The following NWD1 variants were observed in gnomAD, a reference collection of about 807,000 sequenced individuals.
NWD1 encodes the protein NACHT domain- and WD repeat-containing protein 1.
In NWD1, 129 loss-of-function variants were observed where a neutral mutation model predicts 135.1. That is an observed-to-expected ratio of 0.96 (90% confidence interval 0.83 to 1.11). The LOEUF (loss-of-function observed/expected upper bound fraction) is 1.11. Among genes scored for constraint, NWD1 ranks in the 50% least tolerant of loss-of-function variants. NWD1 has a pLI of 0.00. For synonymous variants in NWD1, 773 were observed against 786.0 expected, an observed-to-expected ratio of 0.98 and a Z score of 0.28; for missense variants, 1,740 against 1,851.3, an observed-to-expected ratio of 0.94 and a Z score of 1.10.
intron 12 of NWD1, among the ~76,000 whole-genome samples, chr19:16,781,936 C>CA (rs1021269265): frequency 1.9e-4 from 28 of 150,306 alleles, no homozygotes; most frequent in East Asian, 2.0e-4. Context: ...ACTAAAAATA[C>CA]AAAAAAAATT....
chr19:16,763,779 G>C (rs751986842), intron 8 of NWD1, 49 bp from the exon 9 acceptor site: 1 of 1,163,820 alleles, frequency 8.6e-7, no homozygotes, highest in African/African-American at 1.5e-5. Context: ...TGCGTGGAGT[G>C]AATGAATGGG....
At chr19:16,787,941 A>C (rs1424610868) in intron 12 of NWD1, among the ~76,000 whole-genome samples, 1 of 127,832 alleles carries the variant, frequency 7.8e-6, no homozygotes, top group Non-Finnish European at 1.6e-5. Context: ...CATCATCATC[A>C]TCATAGGCCA....
At chr19:16,790,643 AAAT>A (rs1970212590) in intron 13 of NWD1, among the ~76,000 whole-genome samples, 2 of 19,124 alleles carry the variant, frequency 1.0e-4, no homozygotes, top group East Asian at 3.9e-4. Context: ...AAAAAAAAAT[AAAT>A]AAATAAATAA....
chr19:16,810,737 T>G (rs1222344010), intron 18 of NWD1, among the ~76,000 whole-genome samples: 1 of 152,148 alleles, frequency 6.6e-6, no homozygotes, highest in East Asian at 1.9e-4. Flanking sequence ...CACTCCACCC[T>G]GGATGACGAT....
At chr19:16,724,943 C>G (rs182604558) in intron 2 of NWD1, among the ~76,000 whole-genome samples, 1 of 152,068 alleles carries the variant, frequency 6.6e-6, no homozygotes, top group African/African-American at 2.4e-5. Context: ...GTCCACCCAC[C>G]TCGACCTCCC....
intron 10 of NWD1, among the ~76,000 whole-genome samples, chr19:16,766,453 C>A (rs1969226784): frequency 6.6e-6 from 1 of 152,184 alleles, no homozygotes; most frequent in African/African-American, 2.4e-5. Flanking sequence ...ATGACTTGGG[C>A]TGGGTCTGGC....
At chr19:16,747,715 C>T (rs1017560733) in intron 5 of NWD1, among the ~76,000 whole-genome samples, 1 of 152,050 alleles carries the variant, frequency 6.6e-6, no homozygotes. Context: ...ACCCATTAAA[C>T]ACTCCCCATC....
At chr19:16,789,281 T>C in intron 13 of NWD1, 91 bp downstream of exon 13, 3 of 969,234 alleles carry the variant, frequency 3.1e-6, no homozygotes, top group Non-Finnish European at 1.6e-6. Flanking sequence ...GGCTCCCTGA[T>C]ACAGTGATGG....
chr19:16,813,669 G>T (rs1445569240), intron 18 of NWD1, among the ~76,000 whole-genome samples: 1 of 151,874 alleles, frequency 6.6e-6, no homozygotes, highest in Non-Finnish European at 1.5e-5. Flanking sequence ...TAGAGGTAGG[G>T]TTTCACCATG....
intron 6 of NWD1, among the ~76,000 whole-genome samples, chr19:16,756,694 C>T (rs1197116637): frequency 6.6e-6 from 1 of 152,144 alleles, no homozygotes; most frequent in Non-Finnish European, 1.5e-5. Flanking sequence ...GACTGCTACA[C>T]ATCCTACAAT....
At chr19:16,773,442 C>T in intron 11 of NWD1, 119 bp downstream of exon 11, 1 of 805,162 alleles carries the variant, frequency 1.2e-6, no homozygotes, top group Non-Finnish European at 2.0e-6. Flanking sequence ...AGGCCCCAAG[C>T]TTGCCATCAG....
intron 6 of NWD1, among the ~76,000 whole-genome samples, chr19:16,752,941 TGA>T (rs1968637846): frequency 6.6e-6 from 1 of 152,080 alleles, no homozygotes; most frequent in Non-Finnish European, 1.5e-5. Flanking sequence ...ATGGCTGCAG[TGA>T]GCTGTGATCA....
rs571612406 is a variant in NWD1, at chr19:16,761,965, T to C, written c.1974-14T>C. On this transcript the variant is annotated splice_polypyrimidine_tract_variant and intron_variant, in intron 7 of 18. Coordinates refer to ENST00000524140, the MANE Select transcript of NWD1 (RefSeq NM_001007525.5). The stretch of plus-strand genomic sequence containing the variant: ...GGTCACCCAGGTCTATCAGTCTGTA[T>C]ACCCTCTCTGTAGACAGCTGGTCGA... The C allele has an allele frequency of 8.7e-6, 14 of 1,612,308 alleles. No individual in the cohort carries two copies. The South Asian group carries it at 1.3e-4, about 15-fold the overall frequency.
At chr19:16,765,247 A>G in intron 10 of NWD1, 55 bp downstream of exon 10, 2 of 1,519,036 alleles carry the variant, frequency 1.3e-6, no homozygotes, top group Non-Finnish European at 1.8e-6. Context: ...ACTTCTAGAA[A>G]CATGCTCTCC....
rs192928986 is a variant in NWD1, at chr19:16,753,571, C to A, written c.1769+3160C>A. On this transcript the variant is annotated intron_variant, in intron 6 of 18. Transcript: ENST00000524140. ...TAGTTCTCCACGCCCCCCATCCCCC[C>A]ACAGGGGACACTAGACAGTGTGTCT... Among the ~76,000 whole-genome samples, 3 of 152,284 alleles carry A rather than the reference C, an allele frequency of 2.0e-5. No homozygotes were observed. In the East Asian group the frequency reaches 5.8e-4, roughly 29 times the overall value.
At chr19:16,740,642 A>ATTTTTTTTTTTTTT (rs1162769783) in intron 4 of NWD1, among the ~76,000 whole-genome samples, 1 of 112,968 alleles carries the variant, frequency 8.9e-6, no homozygotes, top group African/African-American at 3.5e-5. Flanking sequence ...CCAGACTTCT[A>ATTTTTTTTTTTTTT]TTTTTTTTTT....
chr19:16,810,235 C>T (rs1443260494), intron 18 of NWD1, among the ~76,000 whole-genome samples: 3 of 151,378 alleles, frequency 2.0e-5, no homozygotes, highest in African/African-American at 2.4e-5. Context: ...GTTAGGGGTT[C>T]GAGACCAGCC....
intron 3 of NWD1, among the ~76,000 whole-genome samples, chr19:16,732,567 G>GGTGT (rs1568334842): frequency 2.8e-5 from 4 of 144,182 alleles, no homozygotes; most frequent in African/African-American, 1.0e-4. Flanking sequence ...AGCCCCTAAT[G>GGTGT]CTGTCTCCTT....
At chr19:16,729,284 A>G (rs1967458761) in intron 2 of NWD1, among the ~76,000 whole-genome samples, 1 of 151,516 alleles carries the variant, frequency 6.6e-6, no homozygotes, top group East Asian at 1.9e-4. Flanking sequence ...CACCTCCCCA[A>G]CCTTATCTCA....
Sources: gnomAD v4.1 joint callset for allele counts (sites outside exome capture counted in the v4.1 genomes callset) on GRCh38, gnomAD v4.1.1 for gene constraint, MANE v1.5 for transcripts, NCBI Gene and HGNC (gene_info 2026-07-23, HGNC 2026-07-21) for gene names.